DPYSL2: variants seen among roughly 807,000 people sequenced by gnomAD.
The protein encoded by DPYSL2 is dihydropyrimidinase like 2, also known as dihydropyrimidinase-related protein 2.
In DPYSL2, 13 loss-of-function variants were observed where a neutral mutation model predicts 69.9. The observed-to-expected ratio is 0.19, with a 90% CI of 0.12 to 0.30. DPYSL2 has a LOEUF of 0.30. Among genes scored for constraint, DPYSL2 ranks in the 10% least tolerant of loss-of-function variants. The pLI is 1.00. For synonymous variants in DPYSL2, 326 were observed against 359.1 expected (o/e 0.91, Z 1.04); for missense variants, 587 against 918.9 (o/e 0.64, Z 4.67).
chr8:26,557,580 C>T (rs1189393414), intron 1 of DPYSL2, among the ~76,000 whole-genome samples: 1 of 141,026 alleles, frequency 7.1e-6, no homozygotes, highest in African/African-American at 2.7e-5. Context: ...GAGTTTGAGA[C>T]CAGCCTGGCC....
At position 26,614,042 on chromosome 8, in the gene DPYSL2, A is replaced by G. The variant is rs1802294411; in HGVS notation, c.629-10101A>G. Among the ~76,000 whole-genome samples, 1 of 152,102 alleles carries G rather than the reference A, an allele frequency of 6.6e-6. No individual in the cohort carries two copies. The highest frequency in any genetic ancestry group is 1.5e-5 in the Non-Finnish European group (1 of 68,022). On this transcript the variant is annotated intron_variant, in intron 3 of 13. Coordinates refer to ENST00000521913, the MANE Select transcript of DPYSL2 (RefSeq NM_001197293.3). The surrounding 1 kb of genome is among the most constrained non-coding windows in gnomAD (Gnocchi z 4.9). ...CTACTCGGGAGGTTGAGGTGGGAGGATCGCTTGAGTCCTGGAAATCAAGGC... is the reference window on the plus strand; with the variant it reads ...CTACTCGGGAGGTTGAGGTGGGAGGGTCGCTTGAGTCCTGGAAATCAAGGC...
chr8:26,551,848 C>T (rs1391105043), intron 1 of DPYSL2, among the ~76,000 whole-genome samples: 1 of 152,176 alleles, frequency 6.6e-6, no homozygotes, highest in African/African-American at 2.4e-5. Context: ...AGGTCTTGCT[C>T]TATCTCTCAG....
intron 1 of DPYSL2, chr8:26,577,882 T>G: frequency 8.9e-6 from 10 of 1,117,986 alleles, no homozygotes; most frequent in Non-Finnish European, 1.1e-5. Context: ...GGCTTTTGCC[T>G]GAGAGGAAAG....
intron 1 of DPYSL2, among the ~76,000 whole-genome samples, chr8:26,549,600 A>C (rs1800839847): frequency 6.6e-6 from 1 of 152,170 alleles, no homozygotes; most frequent in African/African-American, 2.4e-5. Flanking sequence ...TACTACAAAA[A>C]TCTATCCCTG....
In DPYSL2 at chr8:26,624,913, C is replaced by T. The variant is rs551677569; in HGVS notation, c.793+606C>T. ...CTGGGACTCTTGTCAACAAGAACCT[C>T]GGGGGTTTGCGGGGAAGAGCCAGGC... is the stretch of plus-strand genomic sequence containing the variant. On this transcript the variant is annotated intron_variant, in intron 4 of 13. Coordinates refer to ENST00000521913, the MANE Select transcript of DPYSL2 (RefSeq NM_001197293.3). The surrounding 1 kb of genome is among the most constrained non-coding windows in gnomAD (Gnocchi z 4.7). 7.9e-5 allele frequency among the ~76,000 whole-genome samples: 12 copies of T among 152,140 alleles called. No homozygotes were observed. The highest frequency in any genetic ancestry group is 1.9e-4 in the East Asian group (1 of 5,176).
Position 26,564,104 on chromosome 8 carries a change from G to A in DPYSL2, c.355-17865G>A, listed in dbSNP as rs941325433. Among the ~76,000 whole-genome samples, 1 of 152,226 alleles carries A rather than the reference G, an allele frequency of 6.6e-6. No individual in the cohort carries two copies. The highest frequency in any genetic ancestry group is 2.4e-5 in the African/African-American group (1 of 41,460). Reference sequence around the variant, plus strand: ...GGGAGGGGAATTTGGAAGAAAAAAGGTAGAGGCAATAATGTTAAGTATCAC... The same window carrying A: ...GGGAGGGGAATTTGGAAGAAAAAAGATAGAGGCAATAATGTTAAGTATCAC... On this transcript the variant is annotated intron_variant, in intron 1 of 13. Coordinates refer to ENST00000521913, the MANE Select transcript of DPYSL2 (RefSeq NM_001197293.3). This position sits in a 1 kb window ranked among gnomAD's most constrained non-coding sequence, Gnocchi z 4.8.
chr8:26,589,304 G>A (rs967730259), intron 3 of DPYSL2, among the ~76,000 whole-genome samples: 9 of 152,256 alleles, frequency 5.9e-5, no homozygotes, highest in Middle Eastern at 3.4e-3. Flanking sequence ...CGCAAACGTT[G>A]GGCTTTTATC....
intron 3 of DPYSL2, 62 bp downstream of exon 3, chr8:26,584,045 T>C (rs1477565717): frequency 1.3e-6 from 2 of 1,521,766 alleles, no homozygotes; most frequent in Non-Finnish European, 1.8e-6. Context: ...CAAATAAGTC[T>C]ATTGTTTGAT....
intron 13 of DPYSL2, among the ~76,000 whole-genome samples, chr8:26,655,398 G>T (rs577158836): frequency 6.6e-6 from 1 of 152,112 alleles, no homozygotes; most frequent in African/African-American, 2.4e-5. Context: ...TGAGGGGGCC[G>T]AGTGGGAGGA....
At chr8:26,529,831 C>T (rs1436771597) in intron 1 of DPYSL2, among the ~76,000 whole-genome samples, 5 of 149,672 alleles carry the variant, frequency 3.3e-5, no homozygotes, top group African/African-American at 1.2e-4. Flanking sequence ...TTAACTGGGG[C>T]CGGGCACGGT....
Position 26,517,421 on chromosome 8 carries a change from A to G in DPYSL2, c.354+2742A>G, listed in dbSNP as rs1356986391. Among the ~76,000 whole-genome samples the G allele has an allele frequency of 6.6e-6, 1 of 152,242 alleles. No homozygotes were observed. The highest frequency in any genetic ancestry group is 1.5e-5 in the Non-Finnish European group (1 of 68,046). On this transcript the variant is annotated intron_variant, in intron 1 of 13. Coordinates refer to ENST00000521913, the MANE Select transcript of DPYSL2 (RefSeq NM_001197293.3). This position sits in a 1 kb window ranked among gnomAD's most constrained non-coding sequence, Gnocchi z 4.2. ...AAAAGAGCTGGCATAGTGGTTGTGA[A>G]TGAGGAAAGCCTCTATCTTGTTACT...
At chr8:26,536,148 C>G (rs1800589584) in intron 1 of DPYSL2, among the ~76,000 whole-genome samples, 2 of 150,988 alleles carry the variant, frequency 1.3e-5, no homozygotes, top group South Asian at 4.2e-4. Context: ...CTAAGTTGCC[C>G]AGGCTAGTCT....
Position 26,581,954 on chromosome 8 carries a change from G to C in DPYSL2, c.355-15G>C. The stretch of plus-strand genomic sequence containing the variant: ...GTCAGTTACGCGTTGTGACCTTACT[G>C]CCTCTTTGTTTCAGAGCGATCGTCT... On this transcript the variant is annotated splice_polypyrimidine_tract_variant and intron_variant, in intron 1 of 13. Coordinates refer to ENST00000521913, the MANE Select transcript of DPYSL2 (RefSeq NM_001197293.3). 1 of 1,609,318 alleles carries C rather than the reference G, an allele frequency of 6.2e-7. No homozygotes were observed. The highest frequency in any genetic ancestry group is 8.5e-7 in the Non-Finnish European group (1 of 1,175,950).
intron 1 of DPYSL2, among the ~76,000 whole-genome samples, chr8:26,549,727 C>T (rs1800841853): frequency 1.3e-5 from 2 of 152,158 alleles, no homozygotes; most frequent in Non-Finnish European, 2.9e-5. Flanking sequence ...CCGGATTTCT[C>T]TTGAGACCCA....
chr8:26,536,734 T>C (rs1392306286), intron 1 of DPYSL2, among the ~76,000 whole-genome samples: 1 of 152,148 alleles, frequency 6.6e-6, no homozygotes, highest in Non-Finnish European at 1.5e-5. Context: ...GAATAGTGAA[T>C]TTATGAAAGG....
rs1803307777 is a variant in DPYSL2, at chr8:26,652,937, A to G, written c.1777-295A>G. 6.6e-6 allele frequency among the ~76,000 whole-genome samples: 1 copy of G among 152,232 alleles called. No individual in the cohort carries two copies. Among genetic ancestry groups the G allele is most frequent in the Non-Finnish European group, 1.5e-5 (1 of 68,044 alleles). ...TTTGGGGCCAGATCTTGAACATGAT[A>G]CCAGATCCGCCTCACAGCATGCTTA... is the stretch of plus-strand genomic sequence containing the variant. On this transcript the variant is annotated intron_variant, in intron 12 of 13. Coordinates refer to ENST00000521913, the MANE Select transcript of DPYSL2 (RefSeq NM_001197293.3). This position sits in a 1 kb window ranked among gnomAD's most constrained non-coding sequence, Gnocchi z 6.3.
At chr8:26,556,240 A>ACT (rs1491539651) in intron 1 of DPYSL2, among the ~76,000 whole-genome samples, 25 of 6,246 alleles carry the variant, frequency 4.0e-3, no homozygotes, top group Non-Finnish European at 8.1e-3. Flanking sequence ...GTATTTATAT[A>ACT]ATATATATAG....
At chr8:26,645,439 C>G (rs1803141138) in intron 10 of DPYSL2, among the ~76,000 whole-genome samples, 2 of 151,940 alleles carry the variant, frequency 1.3e-5, no homozygotes, top group Non-Finnish European at 2.9e-5. Context: ...ATCATACATA[C>G]TATTTTGTAG....
chr8:26,633,245 A>C (rs1442975642), intron 7 of DPYSL2, among the ~76,000 whole-genome samples: 2 of 152,212 alleles, frequency 1.3e-5, no homozygotes, highest in African/African-American at 2.4e-5. Context: ...GCAGTGAGTA[A>C]GCCCCAGTCC....
Sources: allele counts gnomAD v4.1 joint callset (sites outside exome capture counted in the v4.1 genomes callset), GRCh38; gene constraint gnomAD v4.1.1; non-coding constraint Gnocchi (gnomAD v3.1); transcripts MANE v1.5; gene names NCBI Gene and HGNC (gene_info 2026-07-23, HGNC 2026-07-21).